SETX: variants seen among roughly 807,000 people sequenced by gnomAD.
The protein encoded by SETX is helicase senataxin.
SETX carries 90 observed loss-of-function variants against 227.2 expected under a neutral mutation model. The observed-to-expected ratio is 0.40, with a 90% confidence interval of 0.33 to 0.47. SETX has a LOEUF of 0.47. Among genes scored for constraint, SETX ranks in the 20% least tolerant of loss-of-function variants. The pLI is 0.91. For missense variants in SETX, 3,052 were observed against 3,181.5 expected, an observed-to-expected ratio of 0.96 and a Z score of 0.98; for synonymous variants, 1,210 against 1,113.2, an observed-to-expected ratio of 1.09 and a Z score of -1.73.
Position 132,262,704 on chromosome 9 carries a change from A to C in SETX, c.*1535T>G, listed in dbSNP as rs1165613966. On this transcript the variant is annotated 3_prime_UTR_variant, in exon 26 of 26. Coordinates refer to ENST00000224140, the MANE Select transcript of SETX (RefSeq NM_015046.7). Reference sequence around the variant, plus strand: ...AAATCAAATGCTCAAACTTTTGGCAACCGAAAGTTGTTTTTTAAAGCTCTT... The same window carrying C: ...AAATCAAATGCTCAAACTTTTGGCACCCGAAAGTTGTTTTTTAAAGCTCTT... 6.6e-6 allele frequency: 1 copy of C among 152,640 alleles called. No homozygotes were observed. Among genetic ancestry groups the C allele is most frequent in the Non-Finnish European group, 1.5e-5 (1 of 68,028 alleles). 9.5% of individuals were successfully genotyped at this position (152,640 alleles called of 1,614,324 possible).
chr9:132,306,757 G>A (rs545836872), intron 11 of SETX, among the ~76,000 whole-genome samples: 32 of 152,232 alleles, frequency 2.1e-4, no homozygotes, highest in African/African-American at 7.2e-4. Context: ...CTGGGCTAGA[G>A]TGCAGTGACC....
intron 19 of SETX, 34 bp downstream of exon 19, chr9:132,283,230 G>C (rs959870456): frequency 1.2e-6 from 2 of 1,613,026 alleles, no homozygotes; most frequent in Admixed American, 1.7e-5. Flanking sequence ...CCTCATAGTA[G>C]TAGTCAAAGT....
At chr9:132,276,492 G>GA (rs1412131091) in intron 22 of SETX, among the ~76,000 whole-genome samples, 1 of 152,144 alleles carries the variant, frequency 6.6e-6, no homozygotes, top group Non-Finnish European at 1.5e-5. Flanking sequence ...CTTCATGACA[G>GA]AGTGGCACTT....
chr9:132,321,032 T>A (rs7028512), intron 10 of SETX, among the ~76,000 whole-genome samples: 8,344 of 152,048 alleles, frequency 0.055, 355 homozygotes, highest in East Asian at 0.25. Context: ...GTCTCTGACC[T>A]TGAGGACAGC....
At chr9:132,347,382 A>G (rs1338741808) in intron 3 of SETX, among the ~76,000 whole-genome samples, 4 of 151,270 alleles carry the variant, frequency 2.6e-5, no homozygotes, top group Non-Finnish European at 5.9e-5. Context: ...GCGTGGTCTC[A>G]GCTCACCGCA....
At chr9:132,321,118 C>T (rs554207470) in intron 10 of SETX, among the ~76,000 whole-genome samples, 68 of 152,344 alleles carry the variant, frequency 4.5e-4, no homozygotes, top group Non-Finnish European at 4.1e-4. Context: ...CCCACTCCTA[C>T]CCAGCCCTCT....
At chr9:132,273,655 A>C (rs1311404193) in intron 23 of SETX, among the ~76,000 whole-genome samples, 2 of 152,166 alleles carry the variant, frequency 1.3e-5, no homozygotes, top group Non-Finnish European at 2.9e-5. Flanking sequence ...TCACATATTA[A>C]TCTTGTATCC....
chr9:132,304,632 CAA>C (rs34179466), intron 11 of SETX, among the ~76,000 whole-genome samples: 38 of 104,466 alleles, frequency 3.6e-4, no homozygotes, highest in Admixed American at 5.2e-4. Flanking sequence ...GACCCTGTTT[CAA>C]AAAAAAAAAA....
Position 132,326,687 on chromosome 9 carries a change from T to G in SETX, c.4911A>C (p.Val1637=), listed in dbSNP as rs1589735228. The change falls in exon 10 of 26, where the codon GTA becomes GTC. Residue 1637 remains valine (V), a synonymous_variant. Transcript: ENST00000224140. ...KSKGIQSILK[V]PQPVPLIAQK... is the part of the protein sequence containing the mutation. ...GAGCTATGAGGGGAACTGGCTGTGG[T>G]ACTTTCAAAATCGACTGTATCCCCT... The G allele has an allele frequency of 6.2e-7, 1 of 1,614,196 alleles. No homozygotes were observed. The highest frequency in any genetic ancestry group is 8.5e-7 in the Non-Finnish European group (1 of 1,179,998).
At chr9:132,266,009 CA>C (rs1842631578) in intron 25 of SETX, 2 of 152,106 alleles carry the variant, frequency 1.3e-5, no homozygotes, top group African/African-American at 4.8e-5. Flanking sequence ...GGAAAGTTGC[CA>C]AACACATGCA....
intron 21 of SETX, among the ~76,000 whole-genome samples, chr9:132,277,789 CAAAAAAAAAAAAAAA>C (rs372125008): frequency 1.5e-5 from 1 of 68,098 alleles, no homozygotes; most frequent in Non-Finnish European, 3.0e-5. Context: ...ACCCTGTCTT[CAAAAAAAAAAAAAAA>C]AAAAAAAAGG....
chr9:132,329,599 C>T lies in SETX; in HGVS notation c.1999G>A (p.Asp667Asn). The T allele has an allele frequency of 6.2e-7, 1 of 1,613,854 alleles. No homozygotes were observed. Among genetic ancestry groups the T allele is most frequent in the Non-Finnish European group, 8.5e-7 (1 of 1,180,000 alleles). ...TTTATATAATTTTGCTCATTATTGT[C>T]ACCTTCTATAGTGTTATCTGCTTTG... ...LIKADNTIEG[D>N]NNEQNYIKDV... The change falls in exon 10 of 26, where the codon GAC becomes AAC. Residue 667 changes from aspartate to asparagine, a missense_variant. Around this residue, in one of 10 missense-constraint regions of SETX, gnomAD observed 1,483 missense variants for 1,312.0 expected, o/e 1.13. Coordinates refer to ENST00000224140, the MANE Select transcript of SETX (RefSeq NM_015046.7).
At chr9:132,277,547 G>A (rs1843228994) in intron 21 of SETX, among the ~76,000 whole-genome samples, 1 of 152,150 alleles carries the variant, frequency 6.6e-6, no homozygotes, top group East Asian at 1.9e-4. Context: ...GGGAGACCAA[G>A]GCGGGTGGAT....
At chr9:132,278,003 A>C in intron 21 of SETX, 67 bp downstream of exon 21, 1 of 1,449,716 alleles carries the variant, frequency 6.9e-7, no homozygotes, top group Non-Finnish European at 9.7e-7. Context: ...ACGACAGTAA[A>C]ATGTCTATTC....
chr9:132,265,383 G>A (rs78810904), intron 25 of SETX, among the ~76,000 whole-genome samples: 14,318 of 151,648 alleles, frequency 0.094, 759 homozygotes, highest in South Asian at 0.16. Context: ...CCGCCACCAC[G>A]CCCGGCTAAT....
chr9:132,329,748 G>A lies in SETX; in HGVS notation c.1850C>T (p.Ala617Val), dbSNP rs1447203326. 1 of 1,613,986 alleles carries A rather than the reference G, an allele frequency of 6.2e-7. No homozygotes were observed. Among genetic ancestry groups the A allele is most frequent in the African/African-American group, 1.3e-5 (1 of 74,932 alleles). ...TTCACTTTCTTCTTTATTATAAGATGCAGGAGAGATTTTACATGCAGAAGT... is the reference window on the plus strand; with the variant it reads ...TTCACTTTCTTCTTTATTATAAGATACAGGAGAGATTTTACATGCAGAAGT... ...DLTSACKISP[A>V]SYNKEESEQM... is the part of the protein sequence containing the mutation. The change falls in exon 10 of 26, where the codon GCA becomes GTA. Residue 617 changes from alanine (A) to valine (V), a missense_variant. This residue lies in a region of SETX where 1,483 missense variants were observed against 1,312.0 expected (regional missense o/e 1.13). Coordinates refer to ENST00000224140, the MANE Select transcript of SETX (RefSeq NM_015046.7).
rs749132753 is a variant in SETX, at chr9:132,329,709, G to A, written c.1889C>T (p.Thr630Met). ...CAAACAATGCATATCTTTTCTAGAC[G>A]TCTTCCCCATTTGTTCACTTTCTTC... ...NKEESEQMGKTSRKDMHCLEA... is the reference protein window; with the variant it reads ...NKEESEQMGKMSRKDMHCLEA... The change falls in exon 10 of 26, where the codon ACG becomes ATG. Residue 630 changes from threonine to methionine, a missense_variant. By Grantham distance (81) the Thr-to-Met change is moderately conservative. Coordinates refer to ENST00000224140, the MANE Select transcript of SETX (RefSeq NM_015046.7). 1.9e-5 allele frequency: 31 copies of A among 1,614,060 alleles called. No individual in the cohort carries two copies. The highest frequency in any genetic ancestry group is 1.8e-4 in the South Asian group (16 of 91,072).
intron 5 of SETX, among the ~76,000 whole-genome samples, chr9:132,339,094 C>A (rs1238130894): frequency 6.6e-6 from 1 of 152,168 alleles, no homozygotes. Context: ...TATTTTCACT[C>A]TCTTTATGGT....
At chr9:132,288,698 C>T (rs113828806) in intron 15 of SETX, 47 bp from the exon 16 acceptor site, 8 of 1,186,212 alleles carry the variant, frequency 6.7e-6, no homozygotes, top group Middle Eastern at 2.2e-4. Flanking sequence ...CACTGCTGAT[C>T]AATCCTGTCT....
Sources: gnomAD v4.1 joint callset for allele counts (sites outside exome capture counted in the v4.1 genomes callset) on GRCh38, gnomAD v4.1.1 for gene constraint, gnomAD v4.1.1 regional missense constraint, MANE v1.5 for transcripts, NCBI Gene and HGNC (gene_info 2026-07-23, HGNC 2026-07-21) for gene names.